Variants in TENM2 observed in about 807,000 individuals in gnomAD.
The protein encoded by TENM2 is teneurin-2.
Under a neutral mutation model 245.2 loss-of-function variants are expected in TENM2, and 52 were observed. The ratio of observed to expected loss-of-function variants is 0.21; its 90% CI spans 0.17 to 0.27. The LOEUF (loss-of-function observed/expected upper bound fraction) is 0.27. Among genes scored for constraint, TENM2 ranks in the 10% least tolerant of loss-of-function variants. TENM2 has a pLI of 1.00. For synonymous variants in TENM2, 1,363 were observed against 1,438.9 expected, an observed-to-expected ratio of 0.95 and a Z score of 1.19; for missense variants, 3,046 against 3,666.8, an observed-to-expected ratio of 0.83 and a Z score of 4.37.
At chr5:167,504,282 TATTG>T (rs1769400522) in intron 2 of TENM2, among the ~76,000 whole-genome samples, 1 of 152,208 alleles carries the variant, frequency 6.6e-6, no homozygotes, top group Admixed American at 6.5e-5. Context: ...ATTTATTACT[TATTG>T]ATATTTAAAG....
chr5:167,594,759 T>G (rs1220575717), intron 2 of TENM2, among the ~76,000 whole-genome samples: 5 of 152,156 alleles, frequency 3.3e-5, no homozygotes, highest in African/African-American at 1.2e-4. Context: ...AGAACTAACC[T>G]CAAGCGGGGA....
chr5:167,758,195 A>G (rs1475222987), intron 2 of TENM2, among the ~76,000 whole-genome samples: 3 of 152,214 alleles, frequency 2.0e-5, no homozygotes, highest in African/African-American at 7.2e-5. Context: ...TGTGGTCCCT[A>G]TAGTGTCATT....
At chr5:168,146,538 G>A (rs1490286092) in intron 12 of TENM2, among the ~76,000 whole-genome samples, 3 of 152,128 alleles carry the variant, frequency 2.0e-5, no homozygotes, top group Admixed American at 1.3e-4. Flanking sequence ...AAATAACCAG[G>A]CAGGCCAAAT....
At chr5:167,261,971 G>A in the TENM2 span, among the ~76,000 whole-genome samples, 1 of 152,278 alleles carries the variant, frequency 6.6e-6, no homozygotes, top group South Asian at 2.1e-4. Flanking sequence ...AGGCTCATGA[G>A]CTGTTTGACT....
At chr5:167,758,869 A>G (rs1762478348) in intron 2 of TENM2, among the ~76,000 whole-genome samples, 1 of 152,064 alleles carries the variant, frequency 6.6e-6, no homozygotes, top group African/African-American at 2.4e-5. Flanking sequence ...TAGGACCTTG[A>G]TTGATACAGA....
intron 2 of TENM2, among the ~76,000 whole-genome samples, chr5:167,534,757 G>A (rs936963190): frequency 6.6e-6 from 1 of 152,150 alleles, no homozygotes; most frequent in Admixed American, 6.5e-5. Flanking sequence ...GGGATAACAC[G>A]GTGAGAGCTG....
chr5:167,768,479 C>A (rs902034504), intron 2 of TENM2, among the ~76,000 whole-genome samples: 3 of 152,108 alleles, frequency 2.0e-5, no homozygotes, highest in Non-Finnish European at 4.4e-5. Context: ...ACGAAAGGGC[C>A]ACATTTGGGC....
chr5:167,528,859 CCCTGTTGGTGGT>C (rs894188807), intron 2 of TENM2, among the ~76,000 whole-genome samples: 2 of 152,046 alleles, frequency 1.3e-5, no homozygotes, highest in Admixed American at 6.6e-5. Context: ...GACAGTAGCC[CCCTGTTGGTGGT>C]CCTTTGTCAC....
chr5:168,034,117 A>ATG (rs1787414723), intron 5 of TENM2, among the ~76,000 whole-genome samples: 2 of 119,250 alleles, frequency 1.7e-5, no homozygotes, highest in East Asian at 2.2e-4. Context: ...ATACATATAT[A>ATG]TGTGTATATA....
chr5:168,028,626 A>G (rs1177989944), intron 5 of TENM2, among the ~76,000 whole-genome samples: 1 of 152,148 alleles, frequency 6.6e-6, no homozygotes, highest in Non-Finnish European at 1.5e-5. Flanking sequence ...CTTTTAATAT[A>G]ATATATCCCA....
At chr5:167,476,617 G>A (rs1240934193) in intron 2 of TENM2, among the ~76,000 whole-genome samples, 1 of 152,008 alleles carries the variant, frequency 6.6e-6, no homozygotes, top group African/African-American at 2.4e-5. Context: ...TTTGTTTTGA[G>A]GTGGAGTTTC....
chr5:168,179,134 G>GAAAAAAAAAAAAAAAAAAAAA (rs35502066), intron 13 of TENM2, among the ~76,000 whole-genome samples: 1 of 99,952 alleles, frequency 1.0e-5, no homozygotes. Context: ...GACTCTGCCT[G>GAAAAAAAAAAAAAAAAAAAAA]AAAAAAAAAA....
chr5:168,181,540 C>T (rs1163575077), intron 13 of TENM2, among the ~76,000 whole-genome samples: 1 of 152,126 alleles, frequency 6.6e-6, no homozygotes, highest in South Asian at 2.1e-4. Context: ...ATAAGAAAGG[C>T]CAGAAGGTGC....
At chr5:167,293,533 T>A (rs1472240364) in intron 1 of TENM2, among the ~76,000 whole-genome samples, 1 of 152,044 alleles carries the variant, frequency 6.6e-6, no homozygotes, top group Non-Finnish European at 1.5e-5. Context: ...GATTGTTGGC[T>A]TTTTAGGATA....
intron 2 of TENM2, among the ~76,000 whole-genome samples, chr5:167,679,084 C>G (rs1193517362): frequency 5.3e-5 from 8 of 152,214 alleles, no homozygotes; most frequent in Non-Finnish European, 1.2e-4. Flanking sequence ...ATTATGAGCT[C>G]TAAGCATGAG....
chr5:168,157,359 G>C (rs545641553), intron 12 of TENM2, among the ~76,000 whole-genome samples: 1 of 152,242 alleles, frequency 6.6e-6, no homozygotes, highest in East Asian at 1.9e-4. Context: ...TTTACCCATG[G>C]GTCAATGGAA....
At chr5:167,232,535 G>A in the TENM2 span, among the ~76,000 whole-genome samples, 5 of 152,018 alleles carry the variant, frequency 3.3e-5, no homozygotes, top group Non-Finnish European at 1.5e-5. Context: ...ACTGCTGCTA[G>A]CTAATTTTTG....
chr5:168,150,790 A>G (rs1273466289), intron 12 of TENM2, among the ~76,000 whole-genome samples: 1 of 152,214 alleles, frequency 6.6e-6, no homozygotes, highest in Non-Finnish European at 1.5e-5. Flanking sequence ...CGCAAAGTGC[A>G]TGGGCTGAGA....
At chr5:167,434,831 A>G (rs1016496873) in intron 2 of TENM2, among the ~76,000 whole-genome samples, 5 of 152,238 alleles carry the variant, frequency 3.3e-5, no homozygotes, top group Non-Finnish European at 7.3e-5. Context: ...CATGCAAAGA[A>G]AATACACACG....
Sources: allele counts gnomAD v4.1 joint callset (sites outside exome capture counted in the v4.1 genomes callset), GRCh38; gene constraint gnomAD v4.1.1; transcripts MANE v1.5; gene names NCBI Gene and HGNC (gene_info 2026-07-23, HGNC 2026-07-21).